REELD1: variants seen among roughly 807,000 people sequenced by gnomAD.
REELD1 encodes reelin domain-containing protein 1.
A neutral mutation model predicts 6.3 loss-of-function variants in REELD1; 12 were observed. The ratio of observed to expected loss-of-function variants is 1.89; its 90% CI spans 1.21 to 3.07. The LOEUF (loss-of-function observed/expected upper bound fraction) is 3.07, where lower values mean the gene tolerates loss of function less well. Ranked by LOEUF, REELD1 falls within the 30% of genes most tolerant of loss-of-function variation. The pLI is 0.00. For missense variants in REELD1, 163 were observed against 86.8 expected, an observed-to-expected ratio of 1.88 and a Z score of -3.49; for synonymous variants, 57 against 33.6, an observed-to-expected ratio of 1.70 and a Z score of -2.42.
chr4:146,225,269 C>T lies in REELD1; in HGVS notation c.595+661C>T, dbSNP rs534479008. On this transcript the variant is annotated intron_variant, in intron 5 of 7. Transcript: ENST00000623665. Reference sequence around the variant, plus strand: ...TCTGAAAATCCCTGGTGGTATGGAACTCCTTTTTGTTGTTTATTTCTAGTT... The same window carrying T: ...TCTGAAAATCCCTGGTGGTATGGAATTCCTTTTTGTTGTTTATTTCTAGTT... Among the ~76,000 whole-genome samples the T allele has an allele frequency of 4.6e-5, 7 of 152,336 alleles. No homozygotes were observed. The South Asian group carries it at 1.4e-3, about 32-fold the overall frequency.
rs34792444 is a variant in REELD1, at chr4:146,230,779, T to C, written c.*266T>C. The stretch of plus-strand genomic sequence containing the variant: ...GTTTGAAGACTTAAACTCAACACAA[T>C]GAATATTGTATAACCCGCTCATTAA... On this transcript the variant is annotated 3_prime_UTR_variant, in exon 8 of 8. Coordinates refer to ENST00000623665, the MANE Select transcript of REELD1 (RefSeq NM_001354631.1). 0.11 allele frequency: 31,390 copies of C among 283,760 alleles called. 1,919 individuals are homozygous for C. Among genetic ancestry groups the C allele is most frequent in the Non-Finnish European group, 0.13 (19,424 of 153,122 alleles). 17.6% of individuals were successfully genotyped at this position (283,760 alleles called of 1,614,324 possible).
rs964934424 is a variant in REELD1 at position 146,225,928 on chromosome 4, A to T, written c.595+1320A>T. Among the ~76,000 whole-genome samples, 10 of 151,994 alleles carry T rather than the reference A, an allele frequency of 6.6e-5. No homozygotes were observed. The South Asian group carries it at 1.0e-3, about 16-fold the overall frequency. On this transcript the variant is annotated intron_variant, in intron 5 of 7. Coordinates refer to ENST00000623665, the MANE Select transcript of REELD1 (RefSeq NM_001354631.1). ...CCATTTGTTCCACTACCCAAACCCT[A>T]GTGATTCCCAAAGGAAAAAGAAACA...
At chr4:146,216,866 A>C in intron 2 of REELD1, 76 bp from the exon 3 acceptor site, 1 of 397,744 alleles carries the variant, frequency 2.5e-6, no homozygotes, top group Non-Finnish European at 4.4e-6. Context: ...GGTTCAGGTT[A>C]GTCACATCCC....
chr4:146,231,760 C>G lies in REELD1; in HGVS notation c.*1247C>G, dbSNP rs1226586272. 6.6e-6 allele frequency: 1 copy of G among 152,140 alleles called. No individual in the cohort carries two copies. The highest frequency in any genetic ancestry group is 2.4e-5 in the African/African-American group (1 of 41,424). The allele number at this position is 152,140 out of a possible 1,614,324, so 9.4% of individuals were successfully genotyped here. Reference sequence around the variant, plus strand: ...GCTTTCCAAGGAGAATGAGGCTTTCCTTATACCTCAATTTAACAATTTTTA... The same window carrying G: ...GCTTTCCAAGGAGAATGAGGCTTTCGTTATACCTCAATTTAACAATTTTTA... On this transcript the variant is annotated 3_prime_UTR_variant, in exon 8 of 8. Transcript: ENST00000623665.
chr4:146,216,353 G>A (rs914857801), intron 2 of REELD1, among the ~76,000 whole-genome samples: 1 of 152,162 alleles, frequency 6.6e-6, no homozygotes. Context: ...TAAAAGTAGT[G>A]AAATAGCTAA....
chr4:146,227,930 T>C (rs1312069603), intron 5 of REELD1, among the ~76,000 whole-genome samples: 1 of 152,112 alleles, frequency 6.6e-6, no homozygotes, highest in African/African-American at 2.4e-5. Flanking sequence ...GTGGTCACAG[T>C]GCTTTCTGTG....
chr4:146,231,806 G>A lies in REELD1; in HGVS notation c.*1293G>A, dbSNP rs1436827630. 6.6e-6 allele frequency: 1 copy of A among 152,210 alleles called. No individual in the cohort carries two copies. Among genetic ancestry groups the A allele is most frequent in the Non-Finnish European group, 1.5e-5 (1 of 68,034 alleles). The allele number at this position is 152,210 out of a possible 1,614,324, so 9.4% of individuals were successfully genotyped here. ...TTTTAAAAATTGAGTGTTCAGGAAA[G>A]AGACAGCTCCTGCCTTTTCCACACC... On this transcript the variant is annotated 3_prime_UTR_variant, in exon 8 of 8. Coordinates refer to ENST00000623665, the MANE Select transcript of REELD1 (RefSeq NM_001354631.1).
At chr4:146,220,188 T>A (rs1578697655) in intron 3 of REELD1, among the ~76,000 whole-genome samples, 2 of 152,210 alleles carry the variant, frequency 1.3e-5, no homozygotes, top group African/African-American at 4.8e-5. Flanking sequence ...AACCTCGTGA[T>A]CCACCCGCCT....
intron 4 of REELD1, among the ~76,000 whole-genome samples, chr4:146,224,073 T>C (rs780098654): frequency 3.3e-5 from 5 of 152,252 alleles, no homozygotes; most frequent in Admixed American, 6.5e-5. Context: ...CTTCAAATCA[T>C]GACATAATAA....
At chr4:146,221,672 A>G (rs1035618251) in intron 3 of REELD1, among the ~76,000 whole-genome samples, 1 of 152,196 alleles carries the variant, frequency 6.6e-6, no homozygotes, top group Non-Finnish European at 1.5e-5. Context: ...CACCCTGGCC[A>G]ACATGATGAA....
chr4:146,221,596 C>G (rs1174363199), intron 3 of REELD1, among the ~76,000 whole-genome samples: 1 of 152,198 alleles, frequency 6.6e-6, no homozygotes. Context: ...TGCGGTGGCT[C>G]ACGCCTGTAA....
intron 2 of REELD1, among the ~76,000 whole-genome samples, chr4:146,215,486 G>A (rs1730807807): frequency 6.6e-6 from 1 of 152,176 alleles, no homozygotes; most frequent in Non-Finnish European, 1.5e-5. Context: ...CTTTTAGCTT[G>A]TGAATGTAAA....
chr4:146,224,580 G>T lies in REELD1; in HGVS notation c.567G>T (p.Arg189Ser), dbSNP rs746360647. The change falls in exon 5 of 8, where the codon AGG (arginine) becomes AGT (serine). Residue 189 changes from arginine to serine, a missense_variant. Physicochemically the swap from Arg to Ser is moderately radical, Grantham distance 110. Coordinates refer to ENST00000623665, the MANE Select transcript of REELD1 (RefSeq NM_001354631.1). ...TGCTGATGCCAAACCTTCACCAGAG[G>T]CTGGGCGATGTTGAAGGAGCTGCTC... ...PRLLMPNLHQ[R>S]LGDVEGAAPA... 2 of 702,218 alleles carry T rather than the reference G, an allele frequency of 2.8e-6. No individual in the cohort carries two copies. Among genetic ancestry groups the T allele is most frequent in the East Asian group, 5.4e-5 (2 of 37,290 alleles). 43.5% of individuals were successfully genotyped at this position (702,218 alleles called of 1,614,324 possible). A position where few individuals can be genotyped will look rare whatever the true frequency, so the allele number is the denominator to read the frequency against.
chr4:146,223,565 G>C (rs1730961498), intron 4 of REELD1, among the ~76,000 whole-genome samples: 1 of 152,162 alleles, frequency 6.6e-6, no homozygotes, highest in African/African-American at 2.4e-5. Flanking sequence ...CTTTCTCAAA[G>C]CACCTCAATT....
At chr4:146,224,910 C>T (rs1730993629) in intron 5 of REELD1, among the ~76,000 whole-genome samples, 1 of 152,202 alleles carries the variant, frequency 6.6e-6, no homozygotes, top group South Asian at 2.1e-4. Context: ...CAGCATACAC[C>T]TCTTCCCCCA....
intron 3 of REELD1, among the ~76,000 whole-genome samples, chr4:146,217,786 A>G (rs1730852752): frequency 6.6e-6 from 1 of 152,130 alleles, no homozygotes; most frequent in Non-Finnish European, 1.5e-5. Context: ...CTTTTTTCTC[A>G]TTATTTAAAA....
chr4:146,224,649 T>C, intron 5 of REELD1, 41 bp downstream of exon 5: 1 of 697,534 alleles, frequency 1.4e-6, no homozygotes, highest in South Asian at 1.5e-5. Context: ...GTTGTCATCA[T>C]TATTTTTACA....
At chr4:146,218,038 G>C (rs778776387) in intron 3 of REELD1, among the ~76,000 whole-genome samples, 1 of 152,220 alleles carries the variant, frequency 6.6e-6, no homozygotes, top group Non-Finnish European at 1.5e-5. Flanking sequence ...TTATGTGAGA[G>C]ATCATCCCAG....
intron 3 of REELD1, among the ~76,000 whole-genome samples, chr4:146,217,804 TCATC>T (rs1383555848): frequency 7.9e-5 from 12 of 152,364 alleles, no homozygotes; most frequent in Admixed American, 7.8e-4. Flanking sequence ...AAACTAAAAT[TCATC>T]CATCAACAGA....
Sources: gnomAD v4.1 joint callset for allele counts (sites outside exome capture counted in the v4.1 genomes callset) on GRCh38, gnomAD v4.1.1 for gene constraint, MANE v1.5 for transcripts, NCBI Gene and HGNC (gene_info 2026-07-23, HGNC 2026-07-21) for gene names.